Variants in QTMAN observed in about 807,000 individuals in gnomAD.
The protein encoded by QTMAN is queuosine-tRNA mannosyltransferase, also known as tRNA-queuosine alpha-mannosyltransferase.
chr2:144,007,181 C>T, the QTMAN span: 39 of 1,564,550 alleles, frequency 2.5e-5, no homozygotes, highest in Non-Finnish European at 3.3e-5. Context: ...CCTTGACTTA[C>T]CACCTGTGAG....
chr2:144,330,035 C>G, the QTMAN span, among the ~76,000 whole-genome samples: 1 of 152,196 alleles, frequency 6.6e-6, no homozygotes, highest in Non-Finnish European at 1.5e-5. Context: ...CATCGCACCA[C>G]AGCAAGAACT....
the QTMAN span, among the ~76,000 whole-genome samples, chr2:143,998,262 T>G: frequency 6.6e-6 from 1 of 152,056 alleles, no homozygotes; most frequent in African/African-American, 2.4e-5. Flanking sequence ...AATAAATTAT[T>G]TCCTTCAACA....
chr2:144,225,745 C>T, the QTMAN span, among the ~76,000 whole-genome samples: 1 of 152,132 alleles, frequency 6.6e-6, no homozygotes, highest in African/African-American at 2.4e-5. Context: ...AATTACTCAC[C>T]CATATTCAGC....
At chr2:144,187,732 C>T in the QTMAN span, among the ~76,000 whole-genome samples, 11 of 152,132 alleles carry the variant, frequency 7.2e-5, no homozygotes, top group Non-Finnish European at 1.6e-4. Context: ...AGGCATATTA[C>T]ACTGAATTCT....
chr2:143,980,787 T>A, the QTMAN span, among the ~76,000 whole-genome samples: 2 of 152,242 alleles, frequency 1.3e-5, no homozygotes, highest in South Asian at 4.1e-4. Flanking sequence ...CCTCTGCCAA[T>A]CCAGCTTCCA....
chr2:144,253,998 GT>G, the QTMAN span, among the ~76,000 whole-genome samples: 1 of 152,230 alleles, frequency 6.6e-6, no homozygotes, highest in Non-Finnish European at 1.5e-5. Flanking sequence ...TTGGCGGCCT[GT>G]GTCCCAGCTG....
the QTMAN span, among the ~76,000 whole-genome samples, chr2:144,248,909 C>G: frequency 6.6e-6 from 1 of 152,094 alleles, no homozygotes; most frequent in Non-Finnish European, 1.5e-5. Flanking sequence ...TGTCTGAAGC[C>G]TTCAGTGGGG....
chr2:144,283,175 T>A, the QTMAN span, among the ~76,000 whole-genome samples: 2 of 152,196 alleles, frequency 1.3e-5, no homozygotes, highest in Admixed American at 6.5e-5. Context: ...AATTTGTAGC[T>A]AAGTTGGACA....
the QTMAN span, chr2:143,970,662 C>T: frequency 1.3e-6 from 2 of 1,564,124 alleles, no homozygotes; most frequent in South Asian, 2.2e-5. Context: ...CCTGGGACAT[C>T]TGTGAAGGTT....
chr2:144,209,582 A>C, the QTMAN span, among the ~76,000 whole-genome samples: 2 of 152,206 alleles, frequency 1.3e-5, no homozygotes, highest in African/African-American at 4.8e-5. Flanking sequence ...AAGTAGCAAT[A>C]ATGGGGTTAC....
chr2:144,016,621 T>C, the QTMAN span, among the ~76,000 whole-genome samples: 2 of 152,214 alleles, frequency 1.3e-5, no homozygotes. Context: ...ATGTGTTCTA[T>C]TCCAAGATAT....
At chr2:144,316,332 T>G in the QTMAN span, among the ~76,000 whole-genome samples, 3 of 152,194 alleles carry the variant, frequency 2.0e-5, no homozygotes, top group Non-Finnish European at 4.4e-5. Context: ...TATATCTGCT[T>G]GTAAAGCCTG....
the QTMAN span, among the ~76,000 whole-genome samples, chr2:143,989,287 G>T: frequency 6.6e-6 from 1 of 151,852 alleles, no homozygotes; most frequent in African/African-American, 2.4e-5. Flanking sequence ...TCCATTCATA[G>T]AACTGAGTGG....
chr2:144,114,516 C>A, the QTMAN span, among the ~76,000 whole-genome samples: 91 of 152,252 alleles, frequency 6.0e-4, no homozygotes, highest in Non-Finnish European at 1.2e-3. Flanking sequence ...TGAAAAAATT[C>A]TTTTCTTCAG....
At chr2:144,050,781 GCACA>G in the QTMAN span, among the ~76,000 whole-genome samples, 4 of 148,912 alleles carry the variant, frequency 2.7e-5, no homozygotes, top group Non-Finnish European at 6.0e-5. Context: ...CTTTCAGTCA[GCACA>G]CACACACACA....
chr2:144,278,398 C>T, the QTMAN span, among the ~76,000 whole-genome samples: 1 of 152,132 alleles, frequency 6.6e-6, no homozygotes, highest in African/African-American at 2.4e-5. Flanking sequence ...ATAACAGACA[C>T]TAAAATTCTG....
chr2:144,176,818 G>C, the QTMAN span, among the ~76,000 whole-genome samples: 1 of 152,312 alleles, frequency 6.6e-6, no homozygotes, highest in Admixed American at 6.5e-5. Context: ...CTTGGACACT[G>C]TACTAGTCTG....
the QTMAN span, among the ~76,000 whole-genome samples, chr2:144,206,618 T>C: frequency 6.6e-6 from 1 of 152,184 alleles, no homozygotes; most frequent in Non-Finnish European, 1.5e-5. Context: ...ACAGATACCA[T>C]TGTTAGGCGG....
At chr2:144,136,909 A>T in the QTMAN span, among the ~76,000 whole-genome samples, 1 of 152,082 alleles carries the variant, frequency 6.6e-6, no homozygotes, top group Non-Finnish European at 1.5e-5. Flanking sequence ...TTTGTTGACC[A>T]CCAATCATCT....
Sources: allele counts gnomAD v4.1 joint callset (sites outside exome capture counted in the v4.1 genomes callset), GRCh38; gene constraint gnomAD v4.1.1; transcripts MANE v1.5; gene names NCBI Gene and HGNC (gene_info 2026-07-23, HGNC 2026-07-21).